CHD2: variants seen among roughly 807,000 people sequenced by gnomAD.
CHD2 encodes the protein ATP-dependent chromatin remodeler CHD2.
CHD2 carries 28 observed loss-of-function variants against 243.9 expected under a neutral mutation model. The observed-to-expected ratio is 0.11, with a 90% CI of 0.09 to 0.16. The LOEUF (loss-of-function observed/expected upper bound fraction) is 0.16. CHD2 is among the 10% of genes least tolerant of loss of function. The pLI is 1.00. For missense variants in CHD2, 1,386 were observed against 2,209.8 expected (o/e 0.63, Z 7.47); for synonymous variants, 775 against 779.0 (o/e 0.99, Z 0.09).
intron 16 of CHD2, among the ~76,000 whole-genome samples, chr15:92,966,932 C>T (rs1257963467): frequency 1.3e-5 from 2 of 149,206 alleles, no homozygotes; most frequent in Non-Finnish European, 3.0e-5. Context: ...AAAGGAATGA[C>T]TATTTATGAG....
At chr15:92,915,305 C>T (rs1035555046) in intron 2 of CHD2, among the ~76,000 whole-genome samples, 7 of 151,674 alleles carry the variant, frequency 4.6e-5, no homozygotes, top group African/African-American at 7.3e-5. Flanking sequence ...GACAGAGTCT[C>T]GCTCTGTTGC....
rs145139295 is a variant in CHD2 at position 92,928,851 on chromosome 15, T to C, written c.382-179T>C. Among the ~76,000 whole-genome samples the C allele has an allele frequency of 6.7e-3, 1,018 of 152,326 alleles. 12 individuals carry two copies. The highest frequency in any genetic ancestry group is 0.022 in the African/African-American group (918 of 41,574). On this transcript the variant is annotated intron_variant, in intron 4 of 38. Coordinates refer to ENST00000394196, the MANE Select transcript of CHD2 (RefSeq NM_001271.4). ...ATAACTCAGTGATAGCAGAGAGATA[T>C]TAATTTTCAAATCAAAAGAAGAGGG...
chr15:92,903,003 C>G (rs557374496), intron 2 of CHD2, among the ~76,000 whole-genome samples: 1 of 152,184 alleles, frequency 6.6e-6, no homozygotes, highest in Non-Finnish European at 1.5e-5. Context: ...TACAGCTGTA[C>G]ATGAAGCATG....
intron 2 of CHD2, among the ~76,000 whole-genome samples, chr15:92,903,419 G>T (rs566115564): frequency 6.6e-6 from 1 of 152,318 alleles, no homozygotes; most frequent in South Asian, 2.1e-4. Context: ...TTAGTATCTG[G>T]AAAGAATGAG....
intron 20 of CHD2, among the ~76,000 whole-genome samples, chr15:92,976,677 C>G (rs1433192200): frequency 6.6e-6 from 1 of 150,500 alleles, no homozygotes; most frequent in Non-Finnish European, 1.5e-5. Context: ...AAAGTTTCCC[C>G]ATGTTATTAA....
chr15:92,977,603 C>G (rs1426310774), intron 20 of CHD2, among the ~76,000 whole-genome samples: 2 of 152,026 alleles, frequency 1.3e-5, no homozygotes, highest in Admixed American at 1.3e-4. Context: ...CCAGTGTCTA[C>G]TGTCATTGCT....
chr15:92,991,605 AC>A lies in CHD2; in HGVS notation c.3455+89del, dbSNP rs1457145090. Reference sequence around the variant, plus strand: ...TTTTTGGTAAATTTTTCCATTTAATACTAATGCTGGGAACATTTTTTTTTCT... The same window carrying A: ...TTTTTGGTAAATTTTTCCATTTAATATAATGCTGGGAACATTTTTTTTTCT... On this transcript the variant is annotated intron_variant, in intron 27 of 38. Transcript: ENST00000394196. The A allele has an allele frequency of 4.4e-6, 4 of 903,318 alleles. No homozygotes were observed. The African/African-American group carries it at 5.2e-5, about 12-fold the overall frequency. The allele number at this position is 903,318 out of a possible 1,614,324, so 56.0% of individuals were successfully genotyped here. A position where few individuals can be genotyped will look rare whatever the true frequency, so the allele number is the denominator to read the frequency against.
intron 17 of CHD2, 80 bp downstream of exon 17, chr15:92,967,593 CTTTTG>C: frequency 1.2e-6 from 1 of 813,436 alleles, no homozygotes; most frequent in Non-Finnish European, 1.7e-6. Flanking sequence ...TATATATATA[CTTTTG>C]TTTTTTTTTT....
chr15:92,981,896 G>C (rs1596433366), intron 24 of CHD2, among the ~76,000 whole-genome samples: 1 of 152,136 alleles, frequency 6.6e-6, no homozygotes, highest in Non-Finnish European at 1.5e-5. Flanking sequence ...AGGTGTCAGT[G>C]GTGTCTCATA....
At chr15:92,970,013 G>A (rs548794125) in intron 17 of CHD2, among the ~76,000 whole-genome samples, 1 of 151,928 alleles carries the variant, frequency 6.6e-6, no homozygotes, top group African/African-American at 2.4e-5. Flanking sequence ...GTGTCTTTAG[G>A]CAACTAATGG....
intron 5 of CHD2, among the ~76,000 whole-genome samples, chr15:92,931,850 C>G (rs2053172594): frequency 6.6e-6 from 1 of 150,674 alleles, no homozygotes; most frequent in Admixed American, 6.6e-5. Context: ...AGATTTAAAA[C>G]ATTGCTGACG....
chr15:92,940,718 CTCAA>C (rs1009385979), intron 7 of CHD2, among the ~76,000 whole-genome samples: 3 of 146,234 alleles, frequency 2.1e-5, no homozygotes, highest in Non-Finnish European at 4.5e-5. Context: ...TTTCTTGTGA[CTCAA>C]TCATTCATTG....
In CHD2 at chr15:92,992,800, G is replaced by A; in HGVS notation, c.3456-59G>A. On this transcript the variant is annotated intron_variant, in intron 27 of 38. Transcript: ENST00000394196. ...TATGTGAGGCCTAGTGGCATCTCAT[G>A]ACACTTAAGAAGAGTGGGCACAGGG... 2.5e-6 allele frequency: 4 copies of A among 1,591,864 alleles called. No homozygotes were observed. In the South Asian group the frequency reaches 3.3e-5, roughly 13 times the overall value.
intron 2 of CHD2, among the ~76,000 whole-genome samples, chr15:92,922,432 C>T (rs2052973829): frequency 1.3e-5 from 2 of 152,118 alleles, no homozygotes; most frequent in African/African-American, 2.4e-5. Flanking sequence ...GAGAACCTCC[C>T]CTCGACCCCT....
At chr15:92,955,726 C>G (rs922873462) in intron 15 of CHD2, among the ~76,000 whole-genome samples, 7 of 152,122 alleles carry the variant, frequency 4.6e-5, no homozygotes, top group Non-Finnish European at 8.8e-5. Context: ...AATTACTTTT[C>G]AAAGGATATT....
intron 16 of CHD2, among the ~76,000 whole-genome samples, chr15:92,962,681 G>A (rs1421608567): frequency 6.6e-6 from 1 of 151,986 alleles, no homozygotes; most frequent in African/African-American, 2.4e-5. Context: ...TGTTGTTCAA[G>A]ACTTTTATAT....
chr15:93,004,984 CTAGT>C (rs1200245589), intron 34 of CHD2, among the ~76,000 whole-genome samples: 3 of 152,094 alleles, frequency 2.0e-5, no homozygotes, highest in African/African-American at 7.2e-5. Context: ...TCTTGTGCTC[CTAGT>C]TAAGAGAGGC....
intron 6 of CHD2, 141 bp from the exon 7 acceptor site, chr15:92,939,437 A>G: frequency 1.1e-6 from 1 of 886,666 alleles, no homozygotes; most frequent in Non-Finnish European, 1.7e-6. Context: ...AGTAGGGCCC[A>G]AGAATATGCA....
intron 15 of CHD2, 115 bp from the exon 16 acceptor site, chr15:92,956,343 TA>T: frequency 2.7e-6 from 2 of 744,570 alleles, no homozygotes; most frequent in East Asian, 5.2e-5. Flanking sequence ...CAGTGAAGAA[TA>T]AATGTGTCAA....
Sources: gnomAD v4.1 joint callset for allele counts (sites outside exome capture counted in the v4.1 genomes callset) on GRCh38, gnomAD v4.1.1 for gene constraint, MANE v1.5 for transcripts, NCBI Gene and HGNC (gene_info 2026-07-23, HGNC 2026-07-21) for gene names.